CFAP43: variants seen among roughly 807,000 people sequenced by gnomAD.
CFAP43 encodes the protein cilia and flagella associated protein 43.
A neutral mutation model predicts 218.9 loss-of-function variants in CFAP43; 155 were observed. The observed-to-expected ratio is 0.71, with a 90% CI of 0.62 to 0.81. CFAP43 has a LOEUF of 0.81. Ranked by LOEUF, CFAP43 falls within the 30% of genes least tolerant of loss-of-function variation. The pLI, the probability that CFAP43 is intolerant of heterozygous loss-of-function variation, is 0.00. For synonymous variants in CFAP43, 645 were observed against 681.3 expected (o/e 0.95, Z 0.83); for missense variants, 1,778 against 1,954.3 (o/e 0.91, Z 1.70).
At chr10:104,185,223 C>G (rs1304226475) in intron 15 of CFAP43, 77 bp from the exon 16 acceptor site, 1 of 1,558,552 alleles carries the variant, frequency 6.4e-7, no homozygotes, top group Non-Finnish European at 8.7e-7. Flanking sequence ...GGTTATATGC[C>G]CCTTTTTTGT....
chr10:104,193,942 T>C lies in CFAP43; in HGVS notation c.1366A>G (p.Ile456Val). 1.9e-6 allele frequency: 3 copies of C among 1,614,052 alleles called. No homozygotes were observed. The highest frequency in any genetic ancestry group is 1.6e-4 in the Middle Eastern group (1 of 6,062). ...VGTEDGSVYF[I>V]SVYDKESPQV... ...GGGGATTCCTTATCATATACGCTGA[T>C]GAAGTAGACCGAGCCATCCTCCGTG... Residue 456 changes from isoleucine to valine, a missense_variant, in exon 11 of 38, where the codon ATC (isoleucine) becomes GTC (valine). Ile to Val is a conservative substitution (Grantham distance 29). Around this residue, in one of 3 missense-constraint regions of CFAP43, gnomAD observed 1,553 missense variants for 1,685.2 expected, o/e 0.92. Transcript: ENST00000357060.
intron 6 of CFAP43, 88 bp downstream of exon 6, chr10:104,207,577 G>A: frequency 7.8e-7 from 1 of 1,282,590 alleles, no homozygotes; most frequent in Non-Finnish European, 1.1e-6. Context: ...AGGATTCAAA[G>A]ATGTCTCCAA....
chr10:104,162,191 G>A, intron 25 of CFAP43, 126 bp downstream of exon 25: 1 of 1,216,428 alleles, frequency 8.2e-7, no homozygotes, highest in Non-Finnish European at 1.2e-6. Context: ...GGGGAAAGGA[G>A]GCCAACTGAG....
intron 3 of CFAP43, among the ~76,000 whole-genome samples, chr10:104,222,884 A>C (rs1207309009): frequency 2.0e-5 from 3 of 152,220 alleles, no homozygotes; most frequent in African/African-American, 7.2e-5. Flanking sequence ...CAGGAAGTTA[A>C]TGTAAATGAA....
rs2087966515 is a variant in CFAP43, at chr10:104,146,302, C to T, written c.3816G>A (p.Val1272=). 3 of 1,613,746 alleles carry T rather than the reference C, an allele frequency of 1.9e-6. No individual in the cohort carries two copies. The highest frequency in any genetic ancestry group is 2.5e-6 in the Non-Finnish European group (3 of 1,179,796). The part of the protein sequence containing the change: ...AVRKSREDLD[V]CKEHYDNLLA... The stretch of plus-strand genomic sequence containing the variant: ...GTAAGTTGTCATAGTGCTCCTTGCA[C>T]ACATCCAGGTCTTCTCTAGATTTCC... Residue 1272 remains valine (V), a synonymous_variant, in exon 30 of 38, where the codon GTG becomes GTA. Coordinates refer to ENST00000357060, the MANE Select transcript of CFAP43 (RefSeq NM_025145.7).
chr10:104,199,989 T>C (rs1185302593), intron 8 of CFAP43, among the ~76,000 whole-genome samples: 1 of 149,852 alleles, frequency 6.7e-6, no homozygotes, highest in African/African-American at 2.5e-5. Context: ...AAACAAGCTT[T>C]ATTGGGGGTC....
chr10:104,135,695 A>G (rs2087408392), intron 34 of CFAP43, among the ~76,000 whole-genome samples: 1 of 152,218 alleles, frequency 6.6e-6, no homozygotes, highest in Non-Finnish European at 1.5e-5. Flanking sequence ...AAAGAAACCT[A>G]CAAAATATTA....
chr10:104,185,026 G>A lies in CFAP43; in HGVS notation c.2131C>T (p.Leu711=), dbSNP rs2089985994. 1 of 1,613,830 alleles carries A rather than the reference G, an allele frequency of 6.2e-7. No individual in the cohort carries two copies. The highest frequency in any genetic ancestry group is 1.3e-5 in the African/African-American group (1 of 74,880). ...GAATACTGTACGTACTTCCACTTTA[G>A]GTAGACAAGGGTGCCATCATCTCTC... ...NGRDDGTLVY[L]KWKRFGGHLA... Residue 711 remains leucine, a synonymous_variant, in exon 16 of 38, where the codon CTA becomes TTA. Transcript: ENST00000357060.
intron 5 of CFAP43, 82 bp downstream of exon 5, chr10:104,211,925 G>T: frequency 1.4e-6 from 2 of 1,459,630 alleles, no homozygotes; most frequent in Non-Finnish European, 9.3e-7. Flanking sequence ...ATTTCTCAAG[G>T]GATGGTTATG....
chr10:104,218,996 T>C (rs1313868634), intron 3 of CFAP43: 2 of 385,698 alleles, frequency 5.2e-6, no homozygotes, highest in Non-Finnish European at 9.9e-6. Flanking sequence ...GTGATTTGGG[T>C]TTCTGTGACC....
intron 34 of CFAP43, among the ~76,000 whole-genome samples, chr10:104,134,688 T>TA (rs2087357059): frequency 6.6e-6 from 1 of 151,816 alleles, no homozygotes; most frequent in Non-Finnish European, 1.5e-5. Context: ...CAAAAAGTAA[T>TA]AGAAAATTTT....
intron 4 of CFAP43, among the ~76,000 whole-genome samples, chr10:104,213,591 A>G (rs1464437485): frequency 6.6e-6 from 1 of 151,942 alleles, no homozygotes; most frequent in Non-Finnish European, 1.5e-5. Flanking sequence ...GCTGGAGTGT[A>G]GTGGCACGAT....
intron 22 of CFAP43, among the ~76,000 whole-genome samples, chr10:104,167,025 A>C (rs1485746064): frequency 6.6e-6 from 1 of 152,210 alleles, no homozygotes; most frequent in Admixed American, 6.5e-5. Context: ...CTTAAGTATT[A>C]AGAAATATAT....
At chr10:104,217,924 T>C (rs1032637157) in intron 3 of CFAP43, among the ~76,000 whole-genome samples, 3 of 152,262 alleles carry the variant, frequency 2.0e-5, no homozygotes, top group Non-Finnish European at 4.4e-5. Flanking sequence ...CTTCATAAAC[T>C]ATTTACATAA....
At chr10:104,156,981 A>G (rs2088582193) in intron 27 of CFAP43, among the ~76,000 whole-genome samples, 1 of 152,202 alleles carries the variant, frequency 6.6e-6, no homozygotes. Flanking sequence ...GCAAGGGGAT[A>G]GGGATGGGAC....
chr10:104,229,251 C>G (rs2091382487), intron 2 of CFAP43, among the ~76,000 whole-genome samples: 1 of 152,180 alleles, frequency 6.6e-6, no homozygotes, highest in Admixed American at 6.5e-5. Flanking sequence ...AGAGCTAAGT[C>G]CAGCCTCAAG....
intron 13 of CFAP43, 52 bp from the exon 14 acceptor site, chr10:104,187,544 GT>G: frequency 7.1e-7 from 1 of 1,412,206 alleles, no homozygotes; most frequent in Non-Finnish European, 9.3e-7. Flanking sequence ...AATTAATTTT[GT>G]TTTTTTAAAA....
rs373264877 is a variant in CFAP43 at position 104,152,014 on chromosome 10, A to G, written c.3660+593T>C. 2.6e-5 allele frequency among the ~76,000 whole-genome samples: 4 copies of G among 152,208 alleles called. No homozygotes were observed. In the South Asian group the frequency reaches 6.2e-4, roughly 24 times the overall value. ...TGATCTTCTTGCTTTTAGTTACTGC[A>G]TACTTCATTTTTATTCCTACTGCTG... On this transcript the variant is annotated intron_variant, in intron 28 of 37. Coordinates refer to ENST00000357060, the MANE Select transcript of CFAP43 (RefSeq NM_025145.7).
At position 104,150,212 on chromosome 10, in the gene CFAP43, C is replaced by T. The variant is rs1176343620; in HGVS notation, c.3661-2214G>A. Among the ~76,000 whole-genome samples the T allele has an allele frequency of 4.6e-5, 7 of 152,270 alleles. No individual in the cohort carries two copies. In the East Asian group the frequency reaches 1.4e-3, roughly 29 times the overall value. On this transcript the variant is annotated intron_variant, in intron 28 of 37. Transcript: ENST00000357060. ...CTGTTGAATATTTAGATTGTTTCCA[C>T]CTTTTGGCTATGACTAATGCTGCTG...
Sources: allele counts gnomAD v4.1 joint callset (sites outside exome capture counted in the v4.1 genomes callset), GRCh38; gene constraint gnomAD v4.1.1; regional missense constraint gnomAD v4.1.1; transcripts MANE v1.5; gene names NCBI Gene and HGNC (gene_info 2026-07-23, HGNC 2026-07-21).